Variants in SH2B1 observed in about 807,000 individuals in gnomAD.
The protein encoded by SH2B1 is SH2B adaptor protein 1.
Under a neutral mutation model 62.6 loss-of-function variants are expected in SH2B1, and 15 were observed. The ratio of observed to expected loss-of-function variants is 0.24; its 90% confidence interval spans 0.16 to 0.37. The LOEUF is 0.37. Among genes scored for constraint, SH2B1 ranks in the 10% least tolerant of loss-of-function variants. The pLI, the probability that SH2B1 is intolerant of heterozygous loss-of-function variation, is 1.00. For missense variants in SH2B1, 925 were observed against 1,015.6 expected, an observed-to-expected ratio of 0.91 and a Z score of 1.21; for synonymous variants, 443 against 438.0, an observed-to-expected ratio of 1.01 and a Z score of -0.14.
At chr16:28,847,369 A>C (rs1961998942) in intron 1 of SH2B1, among the ~76,000 whole-genome samples, 1 of 152,258 alleles carries the variant, frequency 6.6e-6, no homozygotes, top group Non-Finnish European at 1.5e-5. Flanking sequence ...ATGGCTGCTT[A>C]ACCCTGGCTA....
At chr16:28,852,099 G>A (rs183216944) in intron 1 of SH2B1, among the ~76,000 whole-genome samples, 1,614 of 147,496 alleles carry the variant, frequency 0.011, 17 homozygotes, top group Non-Finnish European at 0.018. Context: ...AAAAAAAAGA[G>A]TAAAGAAAAA....
rs926266589 is a variant in SH2B1 at position 28,865,229 on chromosome 16, C to T, written c.-866C>T. On this transcript the variant is annotated 5_prime_UTR_variant, in exon 1 of 8. Coordinates refer to ENST00000684370, the MANE Select transcript of SH2B1 (RefSeq NM_001387430.1). ...CCCAGTTTCTCCTCTGGGGCCCCTG[C>T]GGCCTCTGGCCCCAGACTGAAGGGA... 1.8e-5 allele frequency: 18 copies of T among 985,600 alleles called. No homozygotes were observed. In the East Asian group the frequency reaches 9.0e-4, roughly 49 times the overall value. The allele number at this position is 985,600 out of a possible 1,614,324, so 61.1% of individuals were successfully genotyped here. A position where few individuals can be genotyped will look rare whatever the true frequency, so the allele number is the denominator to read the frequency against.
rs1193582194 is a variant in SH2B1, at chr16:28,874,007, A to G, written c.*187A>G. ...GTCACACACTACAGGTCCCCTCCCC[A>G]GGGCAGGGGATTTGGGCTCCATGAG... On this transcript the variant is annotated 3_prime_UTR_variant, in exon 8 of 8. Coordinates refer to ENST00000684370, the MANE Select transcript of SH2B1 (RefSeq NM_001387430.1). The G allele has an allele frequency of 2.1e-6, 1 of 479,866 alleles. No homozygotes were observed. The highest frequency in any genetic ancestry group is 3.3e-6 in the Non-Finnish European group (1 of 300,348). The allele number at this position is 479,866 out of a possible 1,614,324, so 29.7% of individuals were successfully genotyped here. A position where few individuals can be genotyped will look rare whatever the true frequency, so the allele number is the denominator to read the frequency against.
rs546626975 is a variant in SH2B1 at position 28,858,306 on chromosome 16, A to T, written c.-300-3312A>T. Among the ~76,000 whole-genome samples, 25 of 152,034 alleles carry T rather than the reference A, an allele frequency of 1.6e-4. No individual in the cohort carries two copies. The East Asian group carries it at 3.7e-3, about 23-fold the overall frequency. On this transcript the variant is annotated intron_variant, in intron 1 of 10. Transcript: ENST00000322610. ...GGTAGGTGGCTCACCTGAGGTCAGGAGTTCGAGAGCAGCCTGGCCAACGTG... is the reference window on the plus strand; with the variant it reads ...GGTAGGTGGCTCACCTGAGGTCAGGTGTTCGAGAGCAGCCTGGCCAACGTG...
At position 28,867,389 on chromosome 16, in the gene SH2B1, C is replaced by T; in HGVS notation, c.998C>T (p.Thr333Ile). 4 of 1,614,204 alleles carry T rather than the reference C, an allele frequency of 2.5e-6. No homozygotes were observed. The highest frequency in any genetic ancestry group is 3.4e-6 in the Non-Finnish European group (4 of 1,180,016). The change falls in exon 2 of 8, where the codon ACA (threonine) becomes ATA (isoleucine). Residue 333 changes from threonine (T) to isoleucine (I), a missense_variant. By Grantham distance (89) the Thr-to-Ile change is moderately conservative. Around this residue, in one of 3 missense-constraint regions of SH2B1, gnomAD observed 683 missense variants for 704.0 expected, o/e 0.97. Transcript: ENST00000684370. ...CSSITDVRTT[T>I]ALEMPDRENT... The stretch of plus-strand genomic sequence containing the variant: ...TCTATCACAGACGTCCGGACAACCA[C>T]AGCCCTGGAGATGCCTGACCGGGAG...
At position 28,864,120 on chromosome 16, in the gene SH2B1, G is replaced by T. The variant is rs928077912; in HGVS notation, c.-1975G>T. ...CTGGTCCCGAGGTGGATGCGGCCCC[G>T]GAAAATGGGCGGCTGGGGGGTGTCC... On this transcript the variant is annotated 5_prime_UTR_variant, in exon 1 of 8. It introduces an in-frame stop codon into an upstream open reading frame of the 5' UTR. Transcript: ENST00000684370. 20 of 1,216,376 alleles carry T rather than the reference G, an allele frequency of 1.6e-5. No homozygotes were observed. Among genetic ancestry groups the T allele is most frequent in the Non-Finnish European group, 2.1e-5 (20 of 969,462 alleles). The allele number at this position is 1,216,376 out of a possible 1,614,324, so 75.3% of individuals were successfully genotyped here.
Position 28,866,018 on chromosome 16 carries a change from C to A in SH2B1, c.-77C>A. ...CTCTCTCTTCCTTTCGCAGCTGCTGCCGCCCACCCCTCGTCTTCTGGCTGC... is the reference window on the plus strand; with the variant it reads ...CTCTCTCTTCCTTTCGCAGCTGCTGACGCCCACCCCTCGTCTTCTGGCTGC... On this transcript the variant is annotated 5_prime_UTR_variant, in exon 1 of 8. Transcript: ENST00000684370. The surrounding 1 kb of genome is among the most constrained non-coding windows in gnomAD (Gnocchi z 6.3). The A allele has an allele frequency of 6.7e-7, 1 of 1,500,286 alleles. No homozygotes were observed. Among genetic ancestry groups the A allele is most frequent in the Non-Finnish European group, 8.8e-7 (1 of 1,133,334 alleles). 92.9% of individuals were successfully genotyped at this position (1,500,286 alleles called of 1,614,324 possible). A position where few individuals can be genotyped will look rare whatever the true frequency, so the allele number is the denominator to read the frequency against.
Position 28,849,549 on chromosome 16 carries a change from G to A in SH2B1, c.-301+2722G>A, listed in dbSNP as rs558557856. ...TTTGTGGTGCTATATTTATTTTAAT[G>A]TGTATTAGCTTGAAAAAAAACTGGC... On this transcript the variant is annotated intron_variant, in intron 1 of 10. Coordinates refer to the SH2B1 transcript ENST00000322610. 2.6e-5 allele frequency among the ~76,000 whole-genome samples: 4 copies of A among 152,126 alleles called. No individual in the cohort carries two copies. In the South Asian group the frequency reaches 8.3e-4, roughly 32 times the overall value.
At chr16:28,870,642 T>G (rs183171368) in intron 4 of SH2B1, among the ~76,000 whole-genome samples, 16 of 152,046 alleles carry the variant, frequency 1.1e-4, no homozygotes, top group East Asian at 3.9e-4. Context: ...ACCTTTTTTT[T>G]TTTGTTTGTG....
At position 28,866,482 on chromosome 16, in the gene SH2B1, G is replaced by T; in HGVS notation, c.388G>T (p.Ala130Ser). 1 of 1,613,952 alleles carries T rather than the reference G, an allele frequency of 6.2e-7. No homozygotes were observed. Among genetic ancestry groups the T allele is most frequent in the Non-Finnish European group, 8.5e-7 (1 of 1,179,992 alleles). Residue 130 changes from alanine (A) to serine (S), a missense_variant, in exon 1 of 8, where the codon GCC becomes TCC. By Grantham distance (99) the Ala-to-Ser change is moderately conservative. Around this residue, in one of 3 missense-constraint regions of SH2B1, gnomAD observed 683 missense variants for 704.0 expected, o/e 0.97. Coordinates refer to ENST00000684370, the MANE Select transcript of SH2B1 (RefSeq NM_001387430.1). The surrounding 1 kb of genome is among the most constrained non-coding windows in gnomAD (Gnocchi z 6.3). ...CCCTTCTCGATCATCTGAGGACCTG[G>T]CCGGCCCCCTCCCTTCCTCAGTCTC... ...LGPSRSSEDL[A>S]GPLPSSVSSS... is the part of the protein sequence containing the mutation.
chr16:28,866,280 T>A lies in SH2B1; in HGVS notation c.186T>A (p.Ala62=), dbSNP rs1445350561. The A allele has an allele frequency of 3.1e-6, 5 of 1,610,218 alleles. No homozygotes were observed. Among genetic ancestry groups the A allele is most frequent in the Non-Finnish European group, 4.2e-6 (5 of 1,179,068 alleles). The change falls in exon 1 of 8, where the codon GCT becomes GCA. Residue 62 remains alanine (A), a synonymous_variant. Transcript: ENST00000684370. The surrounding 1 kb of genome is among the most constrained non-coding windows in gnomAD (Gnocchi z 6.3). ...AATATGCGGGGCCCGGGGCCGAGGC[T>A]GCCTTCTCCCGCCGTTTTGCTGAGC... is the stretch of plus-strand genomic sequence containing the variant. ...HPQYAGPGAE[A]AFSRRFAELF...
In SH2B1 at chr16:28,864,703, C is replaced by G. The variant is rs986914684; in HGVS notation, c.-1392C>G. The G allele has an allele frequency of 3.7e-5, 36 of 978,454 alleles. No homozygotes were observed. The highest frequency in any genetic ancestry group is 4.2e-5 in the Non-Finnish European group (35 of 823,834). The allele number at this position is 978,454 out of a possible 1,614,324, so 60.6% of individuals were successfully genotyped here. A position where few individuals can be genotyped will look rare whatever the true frequency, so the allele number is the denominator to read the frequency against. On this transcript the variant is annotated 5_prime_UTR_variant, in exon 1 of 8. Coordinates refer to ENST00000684370, the MANE Select transcript of SH2B1 (RefSeq NM_001387430.1). ...TATTGCGTGGCGGGAGGAGCGCTAACAAGAGCCAAGGGTTGTAAATTCCAC... is the reference window on the plus strand; with the variant it reads ...TATTGCGTGGCGGGAGGAGCGCTAAGAAGAGCCAAGGGTTGTAAATTCCAC...
At chr16:28,852,877 T>TA in intron 1 of SH2B1, among the ~76,000 whole-genome samples, 1 of 83,392 alleles carries the variant, frequency 1.2e-5, no homozygotes, top group Non-Finnish European at 2.2e-5. Context: ...CATATATATT[T>TA]TTATATATAT....
At chr16:28,869,405 G>A (rs372113227) in intron 4 of SH2B1, 22 bp downstream of exon 4, 1 of 1,597,930 alleles carries the variant, frequency 6.3e-7, no homozygotes, top group Non-Finnish European at 8.6e-7. Context: ...GCCTTAGAGA[G>A]CTCGGAGCCT....
intron 2 of SH2B1, among the ~76,000 whole-genome samples, chr16:28,868,505 C>A (rs955191013): frequency 6.6e-6 from 1 of 151,592 alleles, no homozygotes; most frequent in Admixed American, 6.6e-5. Context: ...GTCTCCCAGG[C>A]TGGAGTTGAA....
rs1345735519 is a variant in SH2B1, at chr16:28,873,683, T to A, written c.2134T>A (p.Ser712Thr). 8 of 1,520,102 alleles carry A rather than the reference T, an allele frequency of 5.3e-6. No individual in the cohort carries two copies. Among genetic ancestry groups the A allele is most frequent in the Non-Finnish European group, 7.1e-6 (8 of 1,131,548 alleles). 94.2% of individuals were successfully genotyped at this position (1,520,102 alleles called of 1,614,324 possible). A position where few individuals can be genotyped will look rare whatever the true frequency, so the allele number is the denominator to read the frequency against. ...VELEEAIAPG[S>T]EAQGAGSGGD... ...ATTGGAAGAGGCCATAGCCCCAGGC[T>A]CAGAGGCCCAGGGCGCTGGGTCTGG... is the stretch of plus-strand genomic sequence containing the variant. The change falls in exon 8 of 8, where the codon TCA becomes ACA. Residue 712 changes from serine (S) to threonine (T), a missense_variant. Ser to Thr is a moderately conservative substitution (Grantham distance 58). Coordinates refer to ENST00000684370, the MANE Select transcript of SH2B1 (RefSeq NM_001387430.1). The surrounding 1 kb of genome is among the most constrained non-coding windows in gnomAD (Gnocchi z 4.2).
Position 28,872,873 on chromosome 16 carries a change from T to TG in SH2B1, c.1897+169dup. 1 of 930,522 alleles carries TG rather than the reference T, an allele frequency of 1.1e-6. No individual in the cohort carries two copies. Among genetic ancestry groups the TG allele is most frequent in the Non-Finnish European group, 1.7e-6 (1 of 604,934 alleles). 57.6% of individuals were successfully genotyped at this position (930,522 alleles called of 1,614,324 possible). On this transcript the variant is annotated intron_variant, in intron 7 of 7. Coordinates refer to ENST00000684370, the MANE Select transcript of SH2B1 (RefSeq NM_001387430.1). This position sits in a 1 kb window ranked among gnomAD's most constrained non-coding sequence, Gnocchi z 5.3. ...CCTCGGGGTTTGGAAGGGAAAGAAA[T>TG]GCGCTGATAGGACACAGGAAGGCAG...
intron 4 of SH2B1, among the ~76,000 whole-genome samples, 180 bp downstream of exon 4, chr16:28,869,563 A>C (rs776084718): frequency 2.0e-5 from 3 of 152,132 alleles, no homozygotes; most frequent in Non-Finnish European, 4.4e-5. Context: ...TTTGCTGTTT[A>C]GAATAATCAT....
intron 1 of SH2B1, among the ~76,000 whole-genome samples, chr16:28,849,214 G>A (rs1962047139): frequency 6.6e-6 from 1 of 152,142 alleles, no homozygotes; most frequent in African/African-American, 2.4e-5. Context: ...ATCTACCTCA[G>A]CCTCCCAAAT....
Sources: allele counts gnomAD v4.1 joint callset (sites outside exome capture counted in the v4.1 genomes callset), GRCh38; gene constraint gnomAD v4.1.1; regional missense constraint gnomAD v4.1.1; non-coding constraint Gnocchi (gnomAD v3.1); transcripts MANE v1.5; gene names NCBI Gene and HGNC (gene_info 2026-07-23, HGNC 2026-07-21).